The following NRXN3 variants were observed in gnomAD, a reference collection of about 807,000 sequenced individuals.
The protein encoded by NRXN3 is neurexin 3.
Under a neutral mutation model 137.6 loss-of-function variants are expected in NRXN3, and 32 were observed. That is an observed-to-expected ratio of 0.23 (90% CI 0.18 to 0.31). NRXN3 has a LOEUF of 0.31. NRXN3 is among the 10% of genes least tolerant of loss of function. NRXN3 has a pLI of 1.00. For missense variants in NRXN3, 1,574 were observed against 2,062.5 expected (o/e 0.76, Z 4.59); for synonymous variants, 798 against 784.5 (o/e 1.02, Z -0.29).
chr14:79,000,963 A>G (rs2099540205), intron 15 of NRXN3, among the ~76,000 whole-genome samples: 1 of 152,184 alleles, frequency 6.6e-6, no homozygotes, highest in Admixed American at 6.6e-5. Flanking sequence ...TTGTCCTATT[A>G]TATAAAGTTT....
chr14:78,947,383 C>G (rs992340268), intron 10 of NRXN3, among the ~76,000 whole-genome samples: 2 of 152,320 alleles, frequency 1.3e-5, no homozygotes, highest in Middle Eastern at 3.4e-3. Context: ...TCCCAGAACT[C>G]TTTGTCTTGG....
At chr14:78,669,150 C>T (rs918005480) in intron 6 of NRXN3, among the ~76,000 whole-genome samples, 41 of 151,934 alleles carry the variant, frequency 2.7e-4, no homozygotes, top group African/African-American at 8.5e-4. Flanking sequence ...AGGAGTTAGA[C>T]AAAAACAGTA....
At chr14:78,201,132 G>A (rs2061638611) in intron 1 of NRXN3, among the ~76,000 whole-genome samples, 2 of 152,212 alleles carry the variant, frequency 1.3e-5, no homozygotes, top group African/African-American at 4.8e-5. Context: ...AATATTGGAA[G>A]TGACAGCCTG....
rs142387177 is a variant in NRXN3, at chr14:79,646,246, G to C, written c.3445-17532G>C. Among the ~76,000 whole-genome samples the C allele has an allele frequency of 1.1e-4, 15 of 135,306 alleles. 1 individual carries two copies. Among genetic ancestry groups the C allele is most frequent in the African/African-American group, 3.2e-4 (13 of 40,812 alleles). The allele number at this position is 135,306 out of a possible 152,430, so 88.8% of individuals were successfully genotyped here. On this transcript the variant is annotated intron_variant, in intron 16 of 20. Transcript: ENST00000335750. The stretch of plus-strand genomic sequence containing the variant: ...TATGTATCCCTTGGGATTTGGGGTT[G>C]ACAGCATAGTTGGGCTGCACTAAAG...
intron 15 of NRXN3, among the ~76,000 whole-genome samples, chr14:79,212,502 A>AC (rs1462970765): frequency 6.6e-6 from 1 of 152,128 alleles, no homozygotes; most frequent in Non-Finnish European, 1.5e-5. Flanking sequence ...AAAAATCCCA[A>AC]CCACTGCCTT....
intron 16 of NRXN3, among the ~76,000 whole-genome samples, chr14:79,528,482 T>C (rs1420503687): frequency 1.3e-5 from 2 of 152,180 alleles, no homozygotes; most frequent in Non-Finnish European, 2.9e-5. Context: ...ACAAGATCAA[T>C]TTAGTCACAT....
At chr14:78,971,425 CATATAT>C (rs10560521) in intron 14 of NRXN3, among the ~76,000 whole-genome samples, 3 of 148,352 alleles carry the variant, frequency 2.0e-5, no homozygotes, top group African/African-American at 2.5e-5. Context: ...CACAGATAAA[CATATAT>C]ATATATATAT....
intron 1 of NRXN3, among the ~76,000 whole-genome samples, chr14:78,196,526 G>T (rs888405276): frequency 1.3e-5 from 2 of 152,200 alleles, no homozygotes; most frequent in African/African-American, 4.8e-5. Context: ...TCACAGGCTA[G>T]GTGGCAACAG....
intron 4 of NRXN3, among the ~76,000 whole-genome samples, chr14:78,330,772 A>G (rs956845688): frequency 6.6e-6 from 1 of 152,132 alleles, no homozygotes; most frequent in Non-Finnish European, 1.5e-5. Flanking sequence ...AAGTTTTTAT[A>G]TTAACTAATT....
chr14:78,449,492 G>A (rs2094500409), intron 4 of NRXN3, among the ~76,000 whole-genome samples: 1 of 152,206 alleles, frequency 6.6e-6, no homozygotes, highest in African/African-American at 2.4e-5. Flanking sequence ...GGGATTACAG[G>A]CATGAGCCAC....
intron 15 of NRXN3, among the ~76,000 whole-genome samples, chr14:79,403,134 G>C (rs2153496575): frequency 6.6e-6 from 1 of 152,232 alleles, no homozygotes; most frequent in African/African-American, 2.4e-5. Context: ...AGAGACATTA[G>C]AGGCTCTAAT....
intron 1 of NRXN3, among the ~76,000 whole-genome samples, chr14:78,207,141 G>C (rs1595907035): frequency 6.6e-6 from 1 of 152,232 alleles, no homozygotes; most frequent in East Asian, 1.9e-4. Flanking sequence ...TGGGATTACA[G>C]GTGTGAACCA....
chr14:78,633,061 C>G (rs2097535430), intron 4 of NRXN3, among the ~76,000 whole-genome samples: 1 of 151,354 alleles, frequency 6.6e-6, no homozygotes, highest in African/African-American at 2.4e-5. Flanking sequence ...CGGTGAAACC[C>G]CATCTCTACT....
In NRXN3 at chr14:79,018,278, AAAAAAAAAAAAAAAAAAAGAG is replaced by A. The variant is rs1329705826; in HGVS notation, c.3262+30139_3262+30159del. On this transcript the variant is annotated intron_variant, in intron 15 of 20. Coordinates refer to ENST00000335750, the MANE Select transcript of NRXN3 (RefSeq NM_001330195.2). The stretch of plus-strand genomic sequence containing the variant: ...TCTGTCTCAAAAAAAAAAAAAAAAA[AAAAAAAAAAAAAAAAAAAGAG>A]AGAGAGCAAGAAGAGTGAAAGTTAT... Among the ~76,000 whole-genome samples the A allele has an allele frequency of 3.8e-3, 234 of 61,984 alleles. 6 individuals are homozygous for A. The highest frequency in any genetic ancestry group is 0.012 in the African/African-American group (211 of 18,086). 40.7% of individuals were successfully genotyped at this position (61,984 alleles called of 152,430 possible).
intron 17 of NRXN3, among the ~76,000 whole-genome samples, chr14:79,669,588 T>C (rs1037131444): frequency 6.6e-6 from 1 of 152,104 alleles, no homozygotes; most frequent in African/African-American, 2.4e-5. Context: ...CAATAGGCAC[T>C]TATATATACA....
intron 4 of NRXN3, among the ~76,000 whole-genome samples, chr14:78,619,759 C>A (rs559793974): frequency 6.6e-6 from 1 of 152,184 alleles, no homozygotes; most frequent in East Asian, 1.9e-4. Flanking sequence ...CCAAGCCATG[C>A]TGAAATGTGA....
intron 15 of NRXN3, among the ~76,000 whole-genome samples, chr14:79,403,766 T>C (rs2095256556): frequency 6.6e-6 from 1 of 152,126 alleles, no homozygotes; most frequent in African/African-American, 2.4e-5. Flanking sequence ...TTGTTCCTGG[T>C]ACAACATGTG....
intron 19 of NRXN3, among the ~76,000 whole-genome samples, chr14:79,710,914 A>ATATT (rs888731286): frequency 1.3e-5 from 2 of 152,206 alleles, no homozygotes; most frequent in African/African-American, 4.8e-5. Context: ...CTGTTCTTAA[A>ATATT]TATTTTCAGA....
intron 1 of NRXN3, among the ~76,000 whole-genome samples, chr14:78,185,746 T>G (rs1179654727): frequency 1.3e-5 from 2 of 152,114 alleles, no homozygotes; most frequent in African/African-American, 4.8e-5. Flanking sequence ...ACAATGAAGA[T>G]CTGGAGAGAA....
Sources: allele counts gnomAD v4.1 joint callset (sites outside exome capture counted in the v4.1 genomes callset), GRCh38; gene constraint gnomAD v4.1.1; transcripts MANE v1.5; gene names NCBI Gene and HGNC (gene_info 2026-07-23, HGNC 2026-07-21).